Variants in CDH8 observed in about 807,000 individuals in gnomAD.
CDH8 encodes the protein cadherin 8.
Under a neutral mutation model 68.1 loss-of-function variants are expected in CDH8, and 17 were observed. That is an observed-to-expected ratio of 0.25 (90% confidence interval 0.17 to 0.37). The LOEUF (loss-of-function observed/expected upper bound fraction) is 0.37, where lower values mean the gene tolerates loss of function less well. Among genes scored for constraint, CDH8 ranks in the 10% least tolerant of loss-of-function variants. The probability of loss-of-function intolerance (pLI) is 1.00; values close to 1 mark genes in which losing one functional copy is unlikely to be tolerated. For missense variants in CDH8, 763 were observed against 999.3 expected (o/e 0.76, Z 3.19); for synonymous variants, 372 against 365.1 (o/e 1.02, Z -0.21).
At position 61,866,650 on chromosome 16, in the gene CDH8, A is replaced by C. The variant is rs547607633; in HGVS notation, c.548-9412T>G. 1.4e-4 allele frequency among the ~76,000 whole-genome samples: 21 copies of C among 152,200 alleles called. 1 individual carries two copies. The South Asian group carries it at 4.4e-3, about 32-fold the overall frequency. On this transcript the variant is annotated intron_variant, in intron 3 of 11. Transcript: ENST00000577390. ...GTTGACTTTATTTGATTATACTGAG[A>C]TCATATTCTACATCATGACTTAACA...
intron 7 of CDH8, among the ~76,000 whole-genome samples, chr16:61,798,087 A>G (rs1225956114): frequency 6.6e-5 from 10 of 152,218 alleles, no homozygotes; most frequent in African/African-American, 9.6e-5. Context: ...CAATTCTTCA[A>G]TGTTTACATA....
At chr16:61,731,653 A>C (rs1959539564) in intron 8 of CDH8, among the ~76,000 whole-genome samples, 1 of 151,950 alleles carries the variant, frequency 6.6e-6, no homozygotes, top group East Asian at 1.9e-4. Context: ...CAAACTCCAG[A>C]GGAGGATTGG....
At chr16:61,941,817 C>G (rs1029327484) in intron 2 of CDH8, among the ~76,000 whole-genome samples, 3 of 152,144 alleles carry the variant, frequency 2.0e-5, no homozygotes, top group African/African-American at 7.2e-5. Flanking sequence ...TCTGTTGACA[C>G]CCTTTTCTTT....
chr16:61,924,723 C>A (rs1161623281), intron 2 of CDH8, among the ~76,000 whole-genome samples: 1 of 151,894 alleles, frequency 6.6e-6, no homozygotes, highest in Admixed American at 6.6e-5. Flanking sequence ...ACCTTCTTAT[C>A]CACGTAGTCA....
At chr16:61,654,484 G>C (rs1963396361) in intron 11 of CDH8, among the ~76,000 whole-genome samples, 3 of 150,014 alleles carry the variant, frequency 2.0e-5, no homozygotes, top group Admixed American at 1.3e-4. Flanking sequence ...TGGTTCCAAA[G>C]CTCCCTTCTA....
At chr16:61,813,548 C>A (rs1444898299) in intron 7 of CDH8, among the ~76,000 whole-genome samples, 1 of 152,170 alleles carries the variant, frequency 6.6e-6, no homozygotes, top group African/African-American at 2.4e-5. Context: ...TGTCTACATG[C>A]GCACTGGGGG....
At chr16:61,931,845 G>A (rs952990853) in intron 2 of CDH8, among the ~76,000 whole-genome samples, 1 of 152,122 alleles carries the variant, frequency 6.6e-6, no homozygotes, top group Non-Finnish European at 1.5e-5. Context: ...ACATGTTCGA[G>A]GGAGCTCATG....
chr16:61,724,236 A>G (rs1959277150), intron 9 of CDH8, among the ~76,000 whole-genome samples: 1 of 150,736 alleles, frequency 6.6e-6, no homozygotes, highest in African/African-American at 2.4e-5. Flanking sequence ...CTACTTTCAA[A>G]TTGAATCTAG....
chr16:61,700,561 G>C (rs1034783931), intron 10 of CDH8, among the ~76,000 whole-genome samples: 1 of 152,110 alleles, frequency 6.6e-6, no homozygotes, highest in Admixed American at 6.5e-5. Context: ...TTACGAGCGT[G>C]AGCCACCGCA....
chr16:61,996,514 A>G (rs1184914607), intron 2 of CDH8, among the ~76,000 whole-genome samples: 2 of 152,208 alleles, frequency 1.3e-5, no homozygotes, highest in Admixed American at 6.5e-5. Flanking sequence ...ATGTAATCGT[A>G]TAATATTGAC....
intron 3 of CDH8, among the ~76,000 whole-genome samples, chr16:61,892,450 T>A (rs576884559): frequency 6.6e-6 from 1 of 152,252 alleles, no homozygotes; most frequent in South Asian, 2.1e-4. Flanking sequence ...TGATATACAG[T>A]TATACTTTAG....
chr16:61,819,710 C>T (rs2143000436), intron 6 of CDH8, among the ~76,000 whole-genome samples: 1 of 152,102 alleles, frequency 6.6e-6, no homozygotes, highest in African/African-American at 2.4e-5. Flanking sequence ...TAGAGCAAGA[C>T]CATTGGAAAT....
intron 1 of CDH8, among the ~76,000 whole-genome samples, chr16:62,032,335 G>A (rs997976138): frequency 1.3e-5 from 2 of 152,140 alleles, no homozygotes; most frequent in Non-Finnish European, 2.9e-5. Context: ...GTATATGTGT[G>A]TGTGTTATTT....
chr16:61,765,115 T>C (rs1403350655), intron 8 of CDH8, among the ~76,000 whole-genome samples: 1 of 152,072 alleles, frequency 6.6e-6, no homozygotes, highest in Non-Finnish European at 1.5e-5. Flanking sequence ...ACTACGACCC[T>C]TCTGACCTTT....
At chr16:61,725,413 C>T (rs1419662767) in intron 9 of CDH8, 2 of 150,766 alleles carry the variant, frequency 1.3e-5, no homozygotes, top group African/African-American at 4.8e-5. Context: ...ATGTCATTGA[C>T]TCCTTGAACT....
chr16:61,782,791 G>A (rs1412881566), intron 8 of CDH8, among the ~76,000 whole-genome samples: 3 of 152,110 alleles, frequency 2.0e-5, no homozygotes, highest in African/African-American at 2.4e-5. Flanking sequence ...CCTGACCCCT[G>A]AGCAGCCTAA....
At chr16:61,784,014 AG>A (rs1203950979) in intron 8 of CDH8, among the ~76,000 whole-genome samples, 1 of 152,142 alleles carries the variant, frequency 6.6e-6, no homozygotes, top group Non-Finnish European at 1.5e-5. Flanking sequence ...GAGGCTAGGA[AG>A]AAACTGCATC....
chr16:61,735,291 T>G (rs1193360945), intron 8 of CDH8, among the ~76,000 whole-genome samples: 2 of 152,112 alleles, frequency 1.3e-5, no homozygotes, highest in Non-Finnish European at 1.5e-5. Flanking sequence ...AAATTATCTC[T>G]TCCCAAAAGC....
intron 2 of CDH8, among the ~76,000 whole-genome samples, chr16:61,909,679 T>C (rs1416352230): frequency 6.6e-6 from 1 of 152,194 alleles, no homozygotes; most frequent in Non-Finnish European, 1.5e-5. Context: ...CTCTCTACTT[T>C]GCTCCTAAAT....
Sources: gnomAD v4.1 joint callset for allele counts (sites outside exome capture counted in the v4.1 genomes callset) on GRCh38, gnomAD v4.1.1 for gene constraint, MANE v1.5 for transcripts, NCBI Gene and HGNC (gene_info 2026-07-23, HGNC 2026-07-21) for gene names.